Variants in FAM114A2 observed in about 807,000 individuals in gnomAD.
FAM114A2 encodes protein FAM114A2.
In FAM114A2, 53 loss-of-function variants were observed where a neutral mutation model predicts 58.4. That is an observed-to-expected ratio of 0.91 (90% confidence interval 0.73 to 1.14). The LOEUF is 1.14. Ranked by LOEUF, FAM114A2 falls within the 50% of genes most tolerant of loss-of-function variation. FAM114A2 has a pLI of 0.00. For synonymous variants in FAM114A2, 228 were observed against 211.4 expected, an observed-to-expected ratio of 1.08 and a Z score of -0.68; for missense variants, 601 against 581.1, an observed-to-expected ratio of 1.03 and a Z score of -0.35.
In FAM114A2 at chr5:153,996,594, C is replaced by A. The variant is rs142731823; in HGVS notation, c.1329+1209G>T. On this transcript the variant is annotated intron_variant, in intron 12 of 13. Transcript: ENST00000351797. Reference sequence around the variant, plus strand: ...TAAAAAAAAAAAAAAAAATCTCCTACAAGTAATAATAAAAACACAAACAAC... The same window carrying A: ...TAAAAAAAAAAAAAAAAATCTCCTAAAAGTAATAATAAAAACACAAACAAC... 5.7e-3 allele frequency among the ~76,000 whole-genome samples: 848 copies of A among 147,900 alleles called. 9 individuals carry two copies. Among genetic ancestry groups the A allele is most frequent in the African/African-American group, 0.02 (806 of 40,130 alleles).
chr5:154,029,791 T>A (rs556722550), intron 4 of FAM114A2, among the ~76,000 whole-genome samples: 13 of 152,220 alleles, frequency 8.5e-5, no homozygotes, highest in Non-Finnish European at 1.8e-4. Flanking sequence ...TAAAATCCAG[T>A]TTTGTAAACA....
rs2113239032 is a variant in FAM114A2 at position 154,002,946 on chromosome 5, C to G, written c.1017G>C (p.Trp339Cys). 6.2e-7 allele frequency: 1 copy of G among 1,613,870 alleles called. No homozygotes were observed. The stretch of plus-strand genomic sequence containing the variant: ...ATGGCTTGGTCAGAGACTTCCTGAT[C>G]CATTCGTGGGCGGTATTTCTTGCCT... ...LARARNTAHE[W>C]IRKSLTKPLA... The change falls in exon 10 of 14, where the codon TGG (tryptophan) becomes TGC (cysteine). Residue 339 changes from tryptophan (W) to cysteine (C), a missense_variant. Coordinates refer to ENST00000351797, the MANE Select transcript of FAM114A2 (RefSeq NM_018691.4).
intron 8 of FAM114A2, among the ~76,000 whole-genome samples, chr5:154,021,167 A>G (rs1581810832): frequency 1.3e-5 from 2 of 152,214 alleles, no homozygotes; most frequent in East Asian, 3.9e-4. Flanking sequence ...AGAGCTATCT[A>G]TGACAAACCC....
chr5:154,038,385 C>T (rs1425028149), intron 1 of FAM114A2: 1 of 152,234 alleles, frequency 6.6e-6, no homozygotes, highest in Non-Finnish European at 1.5e-5. Flanking sequence ...GAAGTCAGGT[C>T]ACCTGTCTGC....
At chr5:154,032,047 C>T (rs1025554816) in intron 4 of FAM114A2, among the ~76,000 whole-genome samples, 7 of 152,210 alleles carry the variant, frequency 4.6e-5, no homozygotes, top group Non-Finnish European at 1.0e-4. Context: ...ATAATTGACT[C>T]TACCTCTGCT....
intron 2 of FAM114A2, 102 bp from the exon 3 acceptor site, chr5:154,034,479 A>G (rs1182206567): frequency 1.4e-6 from 1 of 698,356 alleles, no homozygotes; most frequent in Non-Finnish European, 2.5e-6. Flanking sequence ...AGCCAAAAGC[A>G]TGGGTGAACA....
intron 8 of FAM114A2, among the ~76,000 whole-genome samples, chr5:154,023,867 T>C (rs1561566978): frequency 6.6e-6 from 1 of 152,122 alleles, no homozygotes; most frequent in African/African-American, 2.4e-5. Context: ...TTTCTTCTCC[T>C]TAACTGATTT....
At chr5:154,002,432 T>A (rs749806938) in intron 10 of FAM114A2, 42 bp from the exon 11 acceptor site, 1 of 1,601,310 alleles carries the variant, frequency 6.2e-7, no homozygotes, top group East Asian at 2.2e-5. Context: ...AACAAAACAT[T>A]TGGTGGAAAG....
chr5:154,017,407 A>G (rs1313093546), intron 8 of FAM114A2, among the ~76,000 whole-genome samples: 1 of 152,204 alleles, frequency 6.6e-6, no homozygotes, highest in Non-Finnish European at 1.5e-5. Flanking sequence ...GTGCCATTGC[A>G]CTCCAGCCTG....
intron 8 of FAM114A2, among the ~76,000 whole-genome samples, chr5:154,025,313 CA>C (rs150938255): frequency 9.8e-4 from 149 of 151,880 alleles, no homozygotes; most frequent in African/African-American, 3.5e-3. Flanking sequence ...ACTGCCAATG[CA>C]TGGCAATGAA....
At position 154,019,859 on chromosome 5, in the gene FAM114A2, C is replaced by T. The variant is rs906711433; in HGVS notation, c.913+6540G>A. Among the ~76,000 whole-genome samples, 3 of 152,146 alleles carry T rather than the reference C, an allele frequency of 2.0e-5. No homozygotes were observed. The East Asian group carries it at 5.8e-4, about 29-fold the overall frequency. On this transcript the variant is annotated intron_variant, in intron 8 of 13. Transcript: ENST00000351797. ...GGAGAATGAAACTGGATCTTCTCAG[C>T]ACCACACTGCACTTATTCCAAAATT...
chr5:153,994,888 T>C, intron 13 of FAM114A2, 31 bp downstream of exon 13: 12 of 1,430,472 alleles, frequency 8.4e-6, no homozygotes, highest in Non-Finnish European at 1.2e-5. Context: ...GTAATACCTT[T>C]GGAGTCAGAG....
At chr5:154,025,338 T>C (rs904058706) in intron 8 of FAM114A2, among the ~76,000 whole-genome samples, 1 of 152,072 alleles carries the variant, frequency 6.6e-6, no homozygotes, top group Non-Finnish European at 1.5e-5. Flanking sequence ...GCAATGACAC[T>C]AGTAGAGTCT....
chr5:154,011,258 GTT>G lies in FAM114A2; in HGVS notation c.974_975del (p.Lys325ThrfsTer27). On this transcript the variant is annotated frameshift_variant, in exon 9 of 14. Coordinates refer to ENST00000351797, the MANE Select transcript of FAM114A2 (RefSeq NM_018691.4). LOFTEE classifies it high-confidence loss of function. ...TAACTTACCCTGGCAAGTTTCTCTG[GTT>G]TGGAGGAAACGTGCAGCTGGGAAAA... ...ELFSQLHVSS[K>X]PEKLARARNT... The G allele has an allele frequency of 1.2e-6, 2 of 1,610,980 alleles. No individual in the cohort carries two copies. Among genetic ancestry groups the G allele is most frequent in the Non-Finnish European group, 1.7e-6 (2 of 1,178,120 alleles).
At chr5:154,015,382 G>A (rs1158626993) in intron 8 of FAM114A2, among the ~76,000 whole-genome samples, 2 of 152,052 alleles carry the variant, frequency 1.3e-5, no homozygotes, top group East Asian at 1.9e-4. Context: ...CTTCGTCCCC[G>A]ACACCTCCAG....
At position 154,019,464 on chromosome 5, in the gene FAM114A2, A is replaced by G. The variant is rs1038942403; in HGVS notation, c.913+6935T>C. 2.0e-5 allele frequency among the ~76,000 whole-genome samples: 3 copies of G among 152,220 alleles called. No homozygotes were observed. The South Asian group carries it at 6.2e-4, about 32-fold the overall frequency. ...TGAAAATGACCACACCACCCAAAGC[A>G]ATCTACAAATTCAACACTATCCCCA... On this transcript the variant is annotated intron_variant, in intron 8 of 13. Transcript: ENST00000351797.
chr5:153,994,725 A>T (rs1050778084), intron 13 of FAM114A2, 194 bp downstream of exon 13: 1 of 530,748 alleles, frequency 1.9e-6, no homozygotes. Context: ...AGTACCCTGC[A>T]GCTTCAACTG....
chr5:154,011,765 C>T (rs1270400783), intron 8 of FAM114A2, among the ~76,000 whole-genome samples: 4 of 152,110 alleles, frequency 2.6e-5, no homozygotes, highest in Non-Finnish European at 5.9e-5. Context: ...TAAGTTGGGA[C>T]ATCAAACTTG....
chr5:154,006,903 T>G (rs1322113179), intron 9 of FAM114A2, among the ~76,000 whole-genome samples: 1 of 151,626 alleles, frequency 6.6e-6, no homozygotes, highest in East Asian at 1.9e-4. Context: ...TTCAAGCTAT[T>G]CTCCTGCCTC....
Sources: gnomAD v4.1 joint callset for allele counts (sites outside exome capture counted in the v4.1 genomes callset) on GRCh38, gnomAD v4.1.1 for gene constraint, MANE v1.5 for transcripts, NCBI Gene and HGNC (gene_info 2026-07-23, HGNC 2026-07-21) for gene names.